Variants in F13A1 observed in about 807,000 individuals in gnomAD.
F13A1 encodes the protein FSF, A subunit.
F13A1 carries 47 observed loss-of-function variants against 80.1 expected under a neutral mutation model. The observed-to-expected ratio is 0.59, with a 90% confidence interval of 0.46 to 0.75. The LOEUF (loss-of-function observed/expected upper bound fraction) is 0.75. F13A1 is among the 30% of genes least tolerant of loss of function. The pLI, the probability that F13A1 is intolerant of heterozygous loss-of-function variation, is 0.00. For synonymous variants in F13A1, 349 were observed against 344.9 expected (o/e 1.01, Z -0.13); for missense variants, 817 against 930.4 (o/e 0.88, Z 1.59).
chr6:6,193,168 A>G (rs901455335), intron 10 of F13A1, among the ~76,000 whole-genome samples: 26 of 152,304 alleles, frequency 1.7e-4, no homozygotes, highest in African/African-American at 6.0e-4. Flanking sequence ...GTGAACTTCC[A>G]AAGTGGAGGA....
At chr6:6,146,397 T>C (rs1001060184) in intron 14 of F13A1, among the ~76,000 whole-genome samples, 3 of 152,218 alleles carry the variant, frequency 2.0e-5, no homozygotes, top group African/African-American at 7.2e-5. Flanking sequence ...TACCATTTGT[T>C]GCCAATGCCC....
chr6:6,228,329 G>T (rs937094281), intron 6 of F13A1, among the ~76,000 whole-genome samples: 2 of 152,136 alleles, frequency 1.3e-5, no homozygotes, highest in Non-Finnish European at 2.9e-5. Context: ...TGAGGACTAT[G>T]GAGTAAAGCA....
intron 2 of F13A1, among the ~76,000 whole-genome samples, chr6:6,312,316 A>ATT (rs1758614058): frequency 6.6e-6 from 1 of 152,004 alleles, no homozygotes; most frequent in African/African-American, 2.4e-5. Context: ...TCACAGTGGT[A>ATT]CTATAAGTGG....
At chr6:6,294,539 CACAT>C (rs968450419) in intron 3 of F13A1, among the ~76,000 whole-genome samples, 3 of 151,038 alleles carry the variant, frequency 2.0e-5, no homozygotes, top group Non-Finnish European at 1.5e-5. Flanking sequence ...CACACACACA[CACAT>C]ATATATATAT....
intron 10 of F13A1, among the ~76,000 whole-genome samples, chr6:6,182,879 T>C (rs952832718): frequency 2.0e-5 from 3 of 152,220 alleles, no homozygotes; most frequent in Non-Finnish European, 4.4e-5. Context: ...AAGCCAAAAG[T>C]ATTTAAATTG....
rs1757250842 is a variant in F13A1, at chr6:6,224,726, C to T, written c.933G>A (p.Arg311=). The change falls in exon 7 of 15, where the codon CGG becomes CGA. Residue 311 remains arginine (R), a synonymous_variant. Coordinates refer to ENST00000264870, the MANE Select transcript of F13A1 (RefSeq NM_000129.4). The part of the protein sequence containing the change: ...LEYRSSENPV[R]YGQCWVFAGV... ...CAGCAAAAACCCAGCATTGGCCATA[C>T]CGGACTGGATTCTCAGAGCTCCGGT... 1.2e-6 allele frequency: 2 copies of T among 1,614,116 alleles called. No individual in the cohort carries two copies. Among genetic ancestry groups the T allele is most frequent in the Non-Finnish European group, 1.7e-6 (2 of 1,179,978 alleles).
Position 6,318,571 on chromosome 6 carries a change from G to A in F13A1, c.94C>T (p.Leu32Phe), listed in dbSNP as rs1407961299. Residue 32 changes from leucine to phenylalanine, a missense_variant, in exon 2 of 15, where the codon CTT (leucine) becomes TTT (phenylalanine). By Grantham distance (22) the Leu-to-Phe change is conservative. Transcript: ENST00000264870. ...ACGCCCCGGGGCACCACGCCCTGAA[G>A]CTCCACTGTGGGCAGGTCATCTTCC... is the stretch of plus-strand genomic sequence containing the variant. ...AAEDDLPTVE[L>F]QGVVPRGVNL... 3 of 1,613,666 alleles carry A rather than the reference G, an allele frequency of 1.9e-6. No homozygotes were observed. The African/African-American group carries it at 4.0e-5, about 22-fold the overall frequency.
intron 3 of F13A1, among the ~76,000 whole-genome samples, chr6:6,280,556 A>G (rs978185285): frequency 1.3e-5 from 2 of 152,022 alleles, no homozygotes; most frequent in Non-Finnish European, 2.9e-5. Context: ...CACTTTTAAA[A>G]AACTGTATTC....
At position 6,318,575 on chromosome 6, in the gene F13A1, C is replaced by A. The variant is rs1289958870; in HGVS notation, c.90G>T (p.Val30=). The A allele has an allele frequency of 6.2e-7, 1 of 1,613,758 alleles. No individual in the cohort carries two copies. The highest frequency in any genetic ancestry group is 1.1e-5 in the South Asian group (1 of 91,034). The change falls in exon 2 of 15, where the codon GTG becomes GTT. Residue 30 remains valine, a synonymous_variant. Transcript: ENST00000264870. ...SNAAEDDLPT[V]ELQGVVPRGV... The stretch of plus-strand genomic sequence containing the variant: ...CCCGGGGCACCACGCCCTGAAGCTC[C>A]ACTGTGGGCAGGTCATCTTCCGCTG...
intron 2 of F13A1, among the ~76,000 whole-genome samples, chr6:6,310,789 T>C (rs1207414009): frequency 6.6e-6 from 1 of 152,212 alleles, no homozygotes; most frequent in African/African-American, 2.4e-5. Flanking sequence ...ACTGAGCATT[T>C]GGATTGGCCC....
intron 4 of F13A1, among the ~76,000 whole-genome samples, chr6:6,265,303 A>T (rs1265790004): frequency 1.3e-5 from 2 of 152,186 alleles, no homozygotes; most frequent in African/African-American, 4.8e-5. Context: ...AGCAGTGCAT[A>T]TGGGGTAGGG....
intron 3 of F13A1, among the ~76,000 whole-genome samples, chr6:6,267,660 C>T (rs542945780): frequency 6.6e-6 from 1 of 152,030 alleles, no homozygotes; most frequent in African/African-American, 2.4e-5. Context: ...GATTTAGATT[C>T]AGAATACGTC....
chr6:6,157,702 G>A (rs1251325853), intron 13 of F13A1, among the ~76,000 whole-genome samples: 1 of 152,084 alleles, frequency 6.6e-6, no homozygotes, highest in Non-Finnish European at 1.5e-5. Flanking sequence ...TCACTATCTA[G>A]GATTTTCTCT....
Position 6,250,890 on chromosome 6 carries a change from T to C in F13A1, c.611A>G (p.Glu204Gly), listed in dbSNP as rs760467093. The change falls in exon 5 of 15, where the codon GAG becomes GGG. Residue 204 changes from glutamate (E) to glycine (G), a missense_variant. By Grantham distance (98) the Glu-to-Gly change is moderately conservative (BLOSUM62 -2). Transcript: ENST00000264870. This position sits in a 1 kb window ranked among gnomAD's most constrained non-coding sequence, Gnocchi z 4.2. ...TACCCCGATGTCATTCAGGACATAC[T>C]CTTCTCTTTCTTTCTCATTGTCCAG... is the stretch of plus-strand genomic sequence containing the variant. The part of the protein sequence containing the change: ...VYLDNEKERE[E>G]YVLNDIGVIF... 1 of 1,613,330 alleles carries C rather than the reference T, an allele frequency of 6.2e-7. No homozygotes were observed. The highest frequency in any genetic ancestry group is 1.7e-5 in the Admixed American group (1 of 60,020).
intron 3 of F13A1, among the ~76,000 whole-genome samples, chr6:6,273,474 T>C (rs1364846344): frequency 6.6e-6 from 1 of 152,180 alleles, no homozygotes; most frequent in Non-Finnish European, 1.5e-5. Flanking sequence ...AGAGGGTGTT[T>C]TCCATTCTTA....
chr6:6,263,006 C>G (rs1757797844), intron 4 of F13A1, among the ~76,000 whole-genome samples: 1 of 152,206 alleles, frequency 6.6e-6, no homozygotes, highest in Non-Finnish European at 1.5e-5. Flanking sequence ...ACTGAAGCAT[C>G]CATAGTTTCA....
intron 3 of F13A1, among the ~76,000 whole-genome samples, chr6:6,273,920 A>C (rs889286385): frequency 6.6e-6 from 1 of 152,230 alleles, no homozygotes; most frequent in African/African-American, 2.4e-5. Context: ...AGAAACAATC[A>C]AAAAGGCACA....
chr6:6,319,947 A>G lies in F13A1; in HGVS notation c.-19+640T>C, dbSNP rs114314146. Among the ~76,000 whole-genome samples the G allele has an allele frequency of 8.6e-4, 131 of 152,346 alleles. 1 individual carries two copies. The highest frequency in any genetic ancestry group is 3.0e-3 in the African/African-American group (126 of 41,578). ...GAGAAGGCTGCGAGAGCCATCCTCT[A>G]GTGAGAAATACCGAAGGTAGGCTGC... On this transcript the variant is annotated intron_variant, in intron 1 of 14. Transcript: ENST00000264870.
At chr6:6,260,086 C>G (rs1583099022) in intron 4 of F13A1, among the ~76,000 whole-genome samples, 1 of 152,326 alleles carries the variant, frequency 6.6e-6, no homozygotes, top group Non-Finnish European at 1.5e-5. Context: ...ACAGTTCTCT[C>G]TAACACCCAG....
Sources: allele counts gnomAD v4.1 joint callset (sites outside exome capture counted in the v4.1 genomes callset), GRCh38; gene constraint gnomAD v4.1.1; non-coding constraint Gnocchi (gnomAD v3.1); transcripts MANE v1.5; gene names NCBI Gene and HGNC (gene_info 2026-07-23, HGNC 2026-07-21).